RBPJ: variants seen among roughly 807,000 people sequenced by gnomAD.
RBPJ encodes recombining binding protein suppressor of hairless.
A neutral mutation model predicts 67.8 loss-of-function variants in RBPJ; 9 were observed. The observed-to-expected ratio is 0.13, with a 90% CI of 0.08 to 0.23. The LOEUF is 0.23. Ranked by LOEUF, RBPJ falls within the 10% of genes least tolerant of loss-of-function variation. The pLI is 1.00. For missense variants in RBPJ, 305 were observed against 595.6 expected (o/e 0.51, Z 5.08); for synonymous variants, 198 against 203.3 (o/e 0.97, Z 0.22).
At chr4:26,215,401 G>GAAA (rs1718681083) in intron 1 of RBPJ, among the ~76,000 whole-genome samples, 1 of 52,104 alleles carries the variant, frequency 1.9e-5, no homozygotes, top group Non-Finnish European at 3.9e-5. Context: ...GAGGAAGGAA[G>GAAA]GGGGGGGAAG....
chr4:26,312,242 C>T lies in RBPJ; in HGVS notation c.-166-50204C>T, dbSNP rs191499152. On this transcript the variant is annotated intron_variant, in intron 1 of 4. Coordinates refer to the RBPJ transcript ENST00000512351. ...TGCCTCCCAGGTTCACGCCATTCTCCTGCCTCAGCCTCCTGAGTAGCTGGG... is the reference window on the plus strand; with the variant it reads ...TGCCTCCCAGGTTCACGCCATTCTCTTGCCTCAGCCTCCTGAGTAGCTGGG... Among the ~76,000 whole-genome samples the T allele has an allele frequency of 2.2e-4, 34 of 152,272 alleles. No individual in the cohort carries two copies. The East Asian group carries it at 6.6e-3, about 29-fold the overall frequency.
upstream of RBPJ, chr4:26,320,815 G>C: frequency 6.4e-7 from 1 of 1,558,702 alleles, no homozygotes; most frequent in Non-Finnish European, 8.7e-7. Context: ...CCATCGCCTG[G>C]GTAGGTTTCC....
intron 1 of RBPJ, among the ~76,000 whole-genome samples, chr4:26,332,626 A>T (rs1343559219): frequency 1.3e-5 from 2 of 152,134 alleles, no homozygotes; most frequent in African/African-American, 4.8e-5. Flanking sequence ...TTGGAAAAGT[A>T]ATGTTTGTTA....
At chr4:26,122,031 C>T in the RBPJ span, among the ~76,000 whole-genome samples, 4 of 152,012 alleles carry the variant, frequency 2.6e-5, no homozygotes, top group African/African-American at 9.7e-5. Flanking sequence ...TGCACATGAT[C>T]GGTTCAGGCA....
At chr4:26,293,463 G>A (rs893974609) in intron 1 of RBPJ, among the ~76,000 whole-genome samples, 3 of 149,608 alleles carry the variant, frequency 2.0e-5, no homozygotes, top group African/African-American at 7.4e-5. Context: ...GTGAGATCCT[G>A]TCCTCACAAA....
chr4:26,270,385 G>GAAAGAAAGAAAGA lies in RBPJ; in HGVS notation c.-166-92058_-166-92046dup, dbSNP rs1560237746. 5.6e-5 allele frequency among the ~76,000 whole-genome samples: 3 copies of GAAAGAAAGAAAGA among 53,682 alleles called. 1 individual carries two copies. The highest frequency in any genetic ancestry group is 1.9e-4 in the African/African-American group (3 of 15,642). 35.2% of individuals were successfully genotyped at this position (53,682 alleles called of 152,430 possible). On this transcript the variant is annotated intron_variant, in intron 1 of 4. Transcript: ENST00000512351. ...AGAAAGAAAGAAAGAAAGAAAGAAA[G>GAAAGAAAGAAAGA]AAAGAAAGAAAGAAAGAAAGAAAGA...
intron 1 of RBPJ, among the ~76,000 whole-genome samples, chr4:26,193,902 C>G (rs1267965865): frequency 2.0e-5 from 3 of 152,216 alleles, no homozygotes; most frequent in Non-Finnish European, 2.9e-5. Context: ...TTCCCATTCT[C>G]TGGTCCTACC....
chr4:26,198,648 A>G (rs1041344382), intron 1 of RBPJ, among the ~76,000 whole-genome samples: 1 of 152,236 alleles, frequency 6.6e-6, no homozygotes, highest in Admixed American at 6.5e-5. Flanking sequence ...AGATGAGAAA[A>G]CTAAGGCACA....
At chr4:26,367,272 C>T (rs1211042540) in intron 1 of RBPJ, among the ~76,000 whole-genome samples, 1 of 152,124 alleles carries the variant, frequency 6.6e-6, no homozygotes, top group Non-Finnish European at 1.5e-5. Context: ...CACCTGGGGT[C>T]AGGAGTTCAA....
chr4:26,421,862 C>G (rs1380542463), intron 5 of RBPJ, among the ~76,000 whole-genome samples: 1 of 152,026 alleles, frequency 6.6e-6, no homozygotes, highest in Non-Finnish European at 1.5e-5. Flanking sequence ...ATTTCATGTA[C>G]AGATTTATCA....
At chr4:26,236,646 T>C (rs1045131130) in intron 1 of RBPJ, among the ~76,000 whole-genome samples, 3 of 152,200 alleles carry the variant, frequency 2.0e-5, no homozygotes, top group Admixed American at 6.5e-5. Flanking sequence ...GGAAGCTCAA[T>C]GACTTTATTC....
intron 1 of RBPJ, among the ~76,000 whole-genome samples, chr4:26,206,417 T>C (rs1047185096): frequency 1.3e-5 from 2 of 152,196 alleles, no homozygotes; most frequent in African/African-American, 4.8e-5. Flanking sequence ...CTCACTGTGG[T>C]GCTCTGCTTT....
chr4:26,430,076 G>A lies in RBPJ; in HGVS notation c.1044+23G>A. 5 of 1,613,426 alleles carry A rather than the reference G, an allele frequency of 3.1e-6. No homozygotes were observed. The highest frequency in any genetic ancestry group is 4.2e-6 in the Non-Finnish European group (5 of 1,179,718). ...CAGGTGAGAACGCCTAGTCCAAGTT[G>A]GCCTTCAGCTCTTTGCAGCTACTCT... On this transcript the variant is annotated intron_variant, in intron 9 of 10. Coordinates refer to ENST00000355476, the MANE Select transcript of RBPJ (RefSeq NM_015874.6). This position sits in a 1 kb window ranked among gnomAD's most constrained non-coding sequence, Gnocchi z 4.1.
At chr4:26,355,226 C>CTA (rs1032117918) in intron 1 of RBPJ, among the ~76,000 whole-genome samples, 55 of 152,074 alleles carry the variant, frequency 3.6e-4, no homozygotes, top group African/African-American at 1.2e-3. Flanking sequence ...TATGGCCCGA[C>CTA]TATATATATA....
chr4:26,125,406 C>G, the RBPJ span, among the ~76,000 whole-genome samples: 5 of 152,210 alleles, frequency 3.3e-5, no homozygotes, highest in South Asian at 1.0e-3. Flanking sequence ...ATCCTGTAAT[C>G]TCTGAGTAAA....
At chr4:26,297,364 A>AAGAG (rs34987416) in intron 1 of RBPJ, among the ~76,000 whole-genome samples, 4,128 of 148,084 alleles carry the variant, frequency 0.028, 117 homozygotes, top group Middle Eastern at 0.11. Context: ...GTACGAGAGA[A>AAGAG]AGAGAGAGAG....
intron 1 of RBPJ, among the ~76,000 whole-genome samples, chr4:26,301,468 T>C (rs1722075011): frequency 6.6e-6 from 1 of 151,604 alleles, no homozygotes; most frequent in African/African-American, 2.4e-5. Context: ...GGCGGGCGCC[T>C]GTAGTTCCAG....
chr4:26,164,874 T>C (rs1716207869), intron 1 of RBPJ, among the ~76,000 whole-genome samples: 1 of 152,100 alleles, frequency 6.6e-6, no homozygotes, highest in Non-Finnish European at 1.5e-5. Context: ...CCACCAGAAG[T>C]CTAGAGGCCA....
chr4:26,414,493 G>A lies in RBPJ; in HGVS notation c.156-982G>A, dbSNP rs766727148. 6.6e-4 allele frequency among the ~76,000 whole-genome samples: 101 copies of A among 152,180 alleles called. 1 individual carries two copies. Among genetic ancestry groups the A allele is most frequent in the Admixed American group, 5.9e-4 (9 of 15,276 alleles). On this transcript the variant is annotated intron_variant, in intron 3 of 10. Coordinates refer to ENST00000355476, the MANE Select transcript of RBPJ (RefSeq NM_015874.6). The stretch of plus-strand genomic sequence containing the variant: ...CTGGATATTCCTGTTTATTGTACGC[G>A]CCGTTCACCCATTTATATTACTTAT...
Sources: gnomAD v4.1 joint callset for allele counts (sites outside exome capture counted in the v4.1 genomes callset) on GRCh38, gnomAD v4.1.1 for gene constraint, Gnocchi (gnomAD v3.1) non-coding constraint, MANE v1.5 for transcripts, NCBI Gene and HGNC (gene_info 2026-07-23, HGNC 2026-07-21) for gene names.